Variants in RAD51B observed in about 807,000 individuals in gnomAD.
RAD51B encodes DNA repair protein RAD51 homolog 2.
In RAD51B, 38 loss-of-function variants were observed where a neutral mutation model predicts 42.2. The ratio of observed to expected loss-of-function variants is 0.90; its 90% CI spans 0.70 to 1.18. The LOEUF (loss-of-function observed/expected upper bound fraction) is 1.18. Ranked by LOEUF, RAD51B falls within the 50% of genes most tolerant of loss-of-function variation. RAD51B has a pLI of 0.00. For synonymous variants in RAD51B, 154 were observed against 145.2 expected (o/e 1.06, Z -0.43); for missense variants, 373 against 400.7 (o/e 0.93, Z 0.59).
At chr14:68,282,085 G>A (rs1007376303) in intron 7 of RAD51B, among the ~76,000 whole-genome samples, 5 of 151,840 alleles carry the variant, frequency 3.3e-5, no homozygotes, top group Admixed American at 6.6e-5. Context: ...GGGTTCAAGC[G>A]ATTCTCCTGC....
chr14:68,555,188 C>T (rs1401672764), intron 10 of RAD51B, among the ~76,000 whole-genome samples: 1 of 152,232 alleles, frequency 6.6e-6, no homozygotes, highest in East Asian at 1.9e-4. Context: ...GTGACTCACT[C>T]ATAATAGGAC....
chr14:68,656,812 C>T lies in RAD51B; in HGVS notation c.*11+5956C>T, dbSNP rs536803847. Among the ~76,000 whole-genome samples, 212 of 152,294 alleles carry T rather than the reference C, an allele frequency of 1.4e-3. 1 individual carries two copies. The highest frequency in any genetic ancestry group is 3.4e-3 in the Middle Eastern group (1 of 294). On this transcript the variant is annotated intron_variant, in intron 11 of 11. Transcript: ENST00000488612. ...AGAGGACCGGGCTGAGCTCCTGGCTCCCAGCCCCCATGGGTCACTTGTCCC... is the reference window on the plus strand; with the variant it reads ...AGAGGACCGGGCTGAGCTCCTGGCTTCCAGCCCCCATGGGTCACTTGTCCC...
intron 8 of RAD51B, among the ~76,000 whole-genome samples, chr14:68,376,835 T>TC (rs2083379763): frequency 6.6e-6 from 1 of 152,192 alleles, no homozygotes; most frequent in African/African-American, 2.4e-5. Context: ...ATGAGTACAT[T>TC]ATACAAGGGC....
intron 9 of RAD51B, among the ~76,000 whole-genome samples, chr14:68,413,217 G>T (rs113056680): frequency 6.6e-6 from 1 of 152,162 alleles, no homozygotes; most frequent in Non-Finnish European, 1.5e-5. Flanking sequence ...GAAGTAGCTG[G>T]TAGGACAAAT....
At chr14:68,266,792 T>A (rs2081000369) in intron 7 of RAD51B, among the ~76,000 whole-genome samples, 3 of 152,188 alleles carry the variant, frequency 2.0e-5, no homozygotes, top group Admixed American at 2.0e-4. Context: ...GATATCTCTA[T>A]AAAATAGGGA....
At chr14:68,491,114 C>G (rs778141085) in intron 10 of RAD51B, among the ~76,000 whole-genome samples, 19 of 152,188 alleles carry the variant, frequency 1.2e-4, no homozygotes, top group Non-Finnish European at 2.8e-4. Flanking sequence ...CCTAAGGCAC[C>G]CTGCCCAGTG....
chr14:68,606,439 T>C (rs577790951), intron 10 of RAD51B, among the ~76,000 whole-genome samples: 41 of 152,324 alleles, frequency 2.7e-4, no homozygotes, highest in African/African-American at 9.4e-4. Flanking sequence ...CTTTTAAAAT[T>C]GGAATTTTTG....
intron 7 of RAD51B, among the ~76,000 whole-genome samples, chr14:68,289,791 T>C (rs1279990270): frequency 6.6e-6 from 1 of 152,164 alleles, no homozygotes; most frequent in Non-Finnish European, 1.5e-5. Context: ...AGGAGGCTAC[T>C]TGACCATTTC....
intron 5 of RAD51B, among the ~76,000 whole-genome samples, chr14:67,872,202 C>T (rs1437052332): frequency 3.4e-5 from 5 of 148,340 alleles, no homozygotes; most frequent in African/African-American, 5.0e-5. Context: ...TTGTCTCAGC[C>T]GAAAATCTCC....
At chr14:68,536,344 T>A (rs1887617008) in intron 10 of RAD51B, among the ~76,000 whole-genome samples, 1 of 152,162 alleles carries the variant, frequency 6.6e-6, no homozygotes, top group African/African-American at 2.4e-5. Flanking sequence ...CAGCCACCAT[T>A]CCCAACCCCT....
intron 7 of RAD51B, among the ~76,000 whole-genome samples, chr14:67,991,957 T>C (rs2075303223): frequency 6.6e-6 from 1 of 152,004 alleles, no homozygotes; most frequent in Non-Finnish European, 1.5e-5. Context: ...GATGTAGGGG[T>C]AGGAAAAAAG....
intron 7 of RAD51B, among the ~76,000 whole-genome samples, chr14:68,145,215 C>T (rs2078224619): frequency 6.6e-6 from 1 of 152,180 alleles, no homozygotes; most frequent in South Asian, 2.1e-4. Context: ...GACCCATTGT[C>T]TAGTGGTTTT....
chr14:67,823,565 C>T lies in RAD51B; in HGVS notation c.22C>T (p.Arg8Ter), dbSNP rs138727212. Residue 8 changes from arginine (R) to a stop codon, truncating the protein, a stop_gained, in exon 2 of 11, where the codon CGA (arginine) becomes TGA (stop). Coordinates refer to ENST00000471583, the MANE Select transcript of RAD51B (RefSeq NM_133510.4). LOFTEE classifies it high-confidence loss of function. MGSKKLK[R>*]VGLSQELCDR... ...AGGCATGGGTAGCAAGAAACTAAAA[C>T]GAGTGGGTTTATCACAAGAGCTGTG... 1.5e-5 allele frequency: 24 copies of T among 1,613,410 alleles called. No homozygotes were observed. The highest frequency in any genetic ancestry group is 1.3e-4 in the African/African-American group (10 of 74,852).
At chr14:68,061,361 G>A (rs1289143789) in intron 7 of RAD51B, among the ~76,000 whole-genome samples, 1 of 152,080 alleles carries the variant, frequency 6.6e-6, no homozygotes, top group Non-Finnish European at 1.5e-5. Context: ...GAGCCACCAC[G>A]CCCAGCTATT....
At chr14:68,314,580 C>G (rs2082020959) in intron 8 of RAD51B, among the ~76,000 whole-genome samples, 2 of 152,172 alleles carry the variant, frequency 1.3e-5, no homozygotes, top group South Asian at 4.1e-4. Context: ...GTAATATTAA[C>G]AAGACTTATC....
At position 68,260,567 on chromosome 14, in the gene RAD51B, T is replaced by A. The variant is rs1041402960; in HGVS notation, c.757-31317T>A. On this transcript the variant is annotated intron_variant, in intron 7 of 10. Transcript: ENST00000471583. ...AGTATAGTTGGACAAAAAGCAGATA[T>A]GACCTAATGATGATAAACTAGGGGG... 3.3e-5 allele frequency among the ~76,000 whole-genome samples: 5 copies of A among 152,254 alleles called. No homozygotes were observed. In the East Asian group the frequency reaches 9.6e-4, roughly 29 times the overall value.
intron 7 of RAD51B, among the ~76,000 whole-genome samples, chr14:68,275,289 T>C (rs915914598): frequency 6.6e-6 from 1 of 152,218 alleles, no homozygotes; most frequent in Non-Finnish European, 1.5e-5. Flanking sequence ...CTGACTAAAT[T>C]TATATGAAAG....
At chr14:68,430,994 A>T (rs1484338748) in intron 9 of RAD51B, among the ~76,000 whole-genome samples, 4 of 152,230 alleles carry the variant, frequency 2.6e-5, no homozygotes, top group African/African-American at 9.6e-5. Context: ...CCTTTTCTGC[A>T]TCTACCGATA....
At chr14:68,171,167 C>T (rs1595505237) in intron 7 of RAD51B, among the ~76,000 whole-genome samples, 1 of 152,166 alleles carries the variant, frequency 6.6e-6, no homozygotes, top group Admixed American at 6.5e-5. Flanking sequence ...TTCTGACTTA[C>T]TTGATCTGTC....
Sources: gnomAD v4.1 joint callset for allele counts (sites outside exome capture counted in the v4.1 genomes callset) on GRCh38, gnomAD v4.1.1 for gene constraint, MANE v1.5 for transcripts, NCBI Gene and HGNC (gene_info 2026-07-23, HGNC 2026-07-21) for gene names.